INIP: variants seen among roughly 807,000 people sequenced by gnomAD.
INIP encodes the protein SOSS complex subunit C.
A neutral mutation model predicts 14.0 loss-of-function variants in INIP; 9 were observed. The ratio of observed to expected loss-of-function variants is 0.64; its 90% CI spans 0.39 to 1.12. INIP has a LOEUF of 1.12. Ranked by LOEUF, INIP falls within the 50% of genes most tolerant of loss-of-function variation. INIP has a pLI of 0.01. For missense variants in INIP, 78 were observed against 122.7 expected (o/e 0.64, Z 1.72); for synonymous variants, 37 against 41.5 (o/e 0.89, Z 0.41).
In INIP at chr9:112,687,181, GTAC is replaced by G. The variant is rs1338313537; in HGVS notation, c.*354_*356del. On this transcript the variant is annotated 3_prime_UTR_variant, in exon 5 of 5. Coordinates refer to ENST00000374242, the MANE Select transcript of INIP (RefSeq NM_021218.3). ...AGCAGCCTTGTTTCTTTAAAGTTAA[GTAC>G]TATAAATGATTCTTGAAAATCTACT... 6.0e-6 allele frequency: 1 copy of G among 167,910 alleles called. No individual in the cohort carries two copies. The highest frequency in any genetic ancestry group is 1.6e-4 in the East Asian group (1 of 6,236). 10.4% of individuals were successfully genotyped at this position (167,910 alleles called of 1,614,324 possible).
At chr9:112,714,241 T>G (rs1838736809) in intron 2 of INIP, among the ~76,000 whole-genome samples, 1 of 151,744 alleles carries the variant, frequency 6.6e-6, no homozygotes, top group Admixed American at 6.6e-5. Context: ...ACTTTAAGAG[T>G]CCATAAGTTT....
Position 112,716,480 on chromosome 9 carries a change from T to C in INIP, c.6A>G (p.Ala2=). 2 of 1,613,862 alleles carry C rather than the reference T, an allele frequency of 1.2e-6. No homozygotes were observed. The highest frequency in any genetic ancestry group is 1.7e-6 in the Non-Finnish European group (2 of 1,179,762). The change falls in exon 2 of 5, where the codon GCA becomes GCG. Residue 2 remains alanine, a synonymous_variant. Coordinates refer to ENST00000374242, the MANE Select transcript of INIP (RefSeq NM_021218.3). M[A]ANSSGQGFQN... The stretch of plus-strand genomic sequence containing the variant: ...CATTACCTTGTCCTGAAGAGTTTGC[T>C]GCCATTTTCCTATTTTGTTTCAAGT...
At chr9:112,703,770 GT>G (rs1206959622) in intron 2 of INIP, among the ~76,000 whole-genome samples, 2 of 152,156 alleles carry the variant, frequency 1.3e-5, no homozygotes, top group Non-Finnish European at 2.9e-5. Flanking sequence ...ACGTCCAAGG[GT>G]AAGTGCTAAA....
chr9:112,710,774 G>A (rs1838623505), intron 2 of INIP, among the ~76,000 whole-genome samples: 1 of 152,004 alleles, frequency 6.6e-6, no homozygotes, highest in Non-Finnish European at 1.5e-5. Flanking sequence ...TTTAAATCAT[G>A]GTTCTTTCAG....
At chr9:112,699,484 A>T (rs770952491) in intron 2 of INIP, among the ~76,000 whole-genome samples, 152 of 152,362 alleles carry the variant, frequency 1.0e-3, no homozygotes, top group South Asian at 2.1e-3. Flanking sequence ...GAGAGACCAC[A>T]TTCACACAAC....
chr9:112,706,435 G>T (rs915800982), intron 2 of INIP, among the ~76,000 whole-genome samples: 5 of 151,682 alleles, frequency 3.3e-5, no homozygotes, highest in Non-Finnish European at 5.9e-5. Flanking sequence ...TCAATTTTGT[G>T]TAGAGACAGG....
intron 3 of INIP, among the ~76,000 whole-genome samples, chr9:112,690,464 C>A (rs1016435391): frequency 6.6e-6 from 1 of 152,064 alleles, no homozygotes; most frequent in African/African-American, 2.4e-5. Flanking sequence ...CAGAGTGAGA[C>A]CCTGTCTCAA....
chr9:112,707,691 T>G (rs1033701171), intron 2 of INIP, among the ~76,000 whole-genome samples: 4 of 152,156 alleles, frequency 2.6e-5, no homozygotes, highest in Non-Finnish European at 5.9e-5. Flanking sequence ...AAAGTGAAAA[T>G]TATTTTGATT....
intron 2 of INIP, among the ~76,000 whole-genome samples, chr9:112,715,553 CACCTG>C (rs1838784064): frequency 6.6e-6 from 1 of 152,110 alleles, no homozygotes; most frequent in African/African-American, 2.4e-5. Context: ...GCGGGCGGAT[CACCTG>C]AGGTCAGGAG....
rs759549704 is a variant in INIP, at chr9:112,716,516, G to A, written c.-31C>T. ...TATTTTGTTTCAAGTATGTCCAGTGGCAATTGGTCAGCACTTCACAATCAC... is the reference window on the plus strand; with the variant it reads ...TATTTTGTTTCAAGTATGTCCAGTGACAATTGGTCAGCACTTCACAATCAC... On this transcript the variant is annotated 5_prime_UTR_variant, in exon 2 of 5. Coordinates refer to ENST00000374242, the MANE Select transcript of INIP (RefSeq NM_021218.3). 2 of 1,609,830 alleles carry A rather than the reference G, an allele frequency of 1.2e-6. No homozygotes were observed.
chr9:112,701,727 G>A (rs1259896243), intron 2 of INIP: 1 of 151,924 alleles, frequency 6.6e-6, no homozygotes, highest in Non-Finnish European at 1.5e-5. Flanking sequence ...ATAATTATGT[G>A]GTTCCATCTT....
At chr9:112,703,362 C>T (rs1161156298) in intron 2 of INIP, among the ~76,000 whole-genome samples, 1 of 152,176 alleles carries the variant, frequency 6.6e-6, no homozygotes, top group South Asian at 2.1e-4. Context: ...GCAAAAATGC[C>T]TCCCTCCTTA....
At chr9:112,688,372 A>G (rs1041290255) in intron 4 of INIP, among the ~76,000 whole-genome samples, 4 of 151,866 alleles carry the variant, frequency 2.6e-5, no homozygotes, top group African/African-American at 9.7e-5. Flanking sequence ...GAAGGGTAGT[A>G]GTTGGAAGGA....
At chr9:112,692,224 C>A (rs2676622) in intron 3 of INIP, among the ~76,000 whole-genome samples, 35,506 of 151,946 alleles carry the variant, frequency 0.23, 4,382 homozygotes, top group African/African-American at 0.32. Context: ...ATGAGTACAG[C>A]CAATTGCTTT....
chr9:112,715,161 C>T (rs1838769351), intron 2 of INIP, among the ~76,000 whole-genome samples: 1 of 151,544 alleles, frequency 6.6e-6, no homozygotes, highest in African/African-American at 2.4e-5. Flanking sequence ...CACACACACA[C>T]ACACACACAC....
chr9:112,708,845 CT>C lies in INIP; in HGVS notation c.25+7615del, dbSNP rs763882544. Among the ~76,000 whole-genome samples the C allele has an allele frequency of 6.5e-3, 935 of 144,728 alleles. 1 individual carries two copies. The highest frequency in any genetic ancestry group is 0.014 in the Middle Eastern group (4 of 280). The allele number at this position is 144,728 out of a possible 152,430, so 94.9% of individuals were successfully genotyped here. A position where few individuals can be genotyped will look rare whatever the true frequency, so the allele number is the denominator to read the frequency against. On this transcript the variant is annotated intron_variant, in intron 2 of 4. Transcript: ENST00000374242. ...ATGCCCAGCTAATTTTTTTTATTAA[CT>C]TTTTTTTTTTTTCAAAGACAGGGTC...
At chr9:112,694,843 A>G (rs1026051454) in intron 2 of INIP, among the ~76,000 whole-genome samples, 1 of 152,258 alleles carries the variant, frequency 6.6e-6, no homozygotes, top group Non-Finnish European at 1.5e-5. Flanking sequence ...CTGACAGGAT[A>G]CAAAGAGATA....
intron 2 of INIP, among the ~76,000 whole-genome samples, chr9:112,708,605 G>A (rs988923711): frequency 2.0e-5 from 3 of 152,118 alleles, no homozygotes; most frequent in African/African-American, 7.2e-5. Flanking sequence ...CCCAAAATTC[G>A]TGGCTTAAAA....
chr9:112,689,765 G>A, intron 3 of INIP, 148 bp from the exon 4 acceptor site: 1 of 573,410 alleles, frequency 1.7e-6, no homozygotes, highest in African/African-American at 1.9e-5. Context: ...TGATGTTTTA[G>A]TATTTGTATT....
Sources: gnomAD v4.1 joint callset for allele counts (sites outside exome capture counted in the v4.1 genomes callset) on GRCh38, gnomAD v4.1.1 for gene constraint, MANE v1.5 for transcripts, NCBI Gene and HGNC (gene_info 2026-07-23, HGNC 2026-07-21) for gene names.